Variants in CNPY1 observed in about 807,000 individuals in gnomAD.
CNPY1 encodes the protein protein canopy homolog 1.
A neutral mutation model predicts 14.4 loss-of-function variants in CNPY1; 14 were observed. The ratio of observed to expected loss-of-function variants is 0.97; its 90% CI spans 0.64 to 1.52. The LOEUF is 1.52. Ranked by LOEUF, CNPY1 falls within the 40% of genes most tolerant of loss-of-function variation. The probability of loss-of-function intolerance (pLI) is 0.00; values close to 1 mark genes in which losing one functional copy is unlikely to be tolerated. For synonymous variants in CNPY1, 43 were observed against 46.5 expected (o/e 0.92, Z 0.31); for missense variants, 129 against 131.5 (o/e 0.98, Z 0.09).
In CNPY1 at chr7:155,546,447, T is replaced by C. The variant is rs1038313260; in HGVS notation, c.-33A>G. Reference sequence around the variant, plus strand: ...CTCCTACCTTGGCCTCCTGAATTGCTGGGATTACAAGTATCAGCCACCATG... The same window carrying C: ...CTCCTACCTTGGCCTCCTGAATTGCCGGGATTACAAGTATCAGCCACCATG... On this transcript the variant is annotated 5_prime_UTR_variant, in exon 1 of 5. Coordinates refer to ENST00000636446, the MANE Select transcript of CNPY1 (RefSeq NM_001393663.1). 7 of 398,292 alleles carry C rather than the reference T, an allele frequency of 1.8e-5. No homozygotes were observed. 24.7% of individuals were successfully genotyped at this position (398,292 alleles called of 1,614,324 possible).
Position 155,502,157 on chromosome 7 carries a change from G to A in CNPY1, c.*911C>T, listed in dbSNP as rs922621172. 9.2e-5 allele frequency: 14 copies of A among 152,060 alleles called. No individual in the cohort carries two copies. Among genetic ancestry groups the A allele is most frequent in the Admixed American group, 2.6e-4 (4 of 15,272 alleles). The allele number at this position is 152,060 out of a possible 1,614,324, so 9.4% of individuals were successfully genotyped here. A position where few individuals can be genotyped will look rare whatever the true frequency, so the allele number is the denominator to read the frequency against. ...ATGTAACAGAGATAAAGAAATTTCCGGGAGTGATTGTTACTAGACTTTGTA... is the reference window on the plus strand; with the variant it reads ...ATGTAACAGAGATAAAGAAATTTCCAGGAGTGATTGTTACTAGACTTTGTA... On this transcript the variant is annotated 3_prime_UTR_variant, in exon 5 of 5. Transcript: ENST00000636446.
Position 155,503,077 on chromosome 7 carries a change from A to G in CNPY1, c.429T>C (p.Thr143=), listed in dbSNP as rs754581044. 10 of 1,608,594 alleles carry G rather than the reference A, an allele frequency of 6.2e-6. No homozygotes were observed. The African/African-American group carries it at 1.2e-4, about 20-fold the overall frequency. ...SDLCETSANH[T]EL ...CAGCAGAACGGCACTCCTAGAGCTC[A>G]GTATGATTAGCAGAAGTTTCACACA... is the stretch of plus-strand genomic sequence containing the variant. Residue 143 remains threonine (T), a synonymous_variant, in exon 5 of 5, where the codon ACT becomes ACC. Transcript: ENST00000636446.
intron 2 of CNPY1, among the ~76,000 whole-genome samples, chr7:155,539,065 C>A (rs777337339): frequency 1.2e-4 from 19 of 152,178 alleles, no homozygotes; most frequent in Non-Finnish European, 1.6e-4. Flanking sequence ...CCCCACCCTG[C>A]CCAGCTGCGG....
chr7:155,539,386 T>C (rs996614122), intron 2 of CNPY1, among the ~76,000 whole-genome samples: 20 of 152,184 alleles, frequency 1.3e-4, no homozygotes, highest in Non-Finnish European at 2.9e-4. Flanking sequence ...TTAATATATA[T>C]TTCTACATTC....
chr7:155,527,153 G>C (rs1796841199), intron 2 of CNPY1, among the ~76,000 whole-genome samples: 1 of 149,504 alleles, frequency 6.7e-6, no homozygotes, highest in South Asian at 2.1e-4. Flanking sequence ...ACGGGTTCAA[G>C]CGATGCTCCT....
intron 2 of CNPY1, among the ~76,000 whole-genome samples, chr7:155,529,047 C>T (rs1404755105): frequency 1.4e-5 from 2 of 139,142 alleles, no homozygotes; most frequent in African/African-American, 2.8e-5. Flanking sequence ...GGTGACAGAG[C>T]GAGACTCCAT....
Position 155,509,039 on chromosome 7 carries a change from C to G in CNPY1, c.158G>C (p.Arg53Pro). ...TTCCTCAAGCTTGTAGTCGTTCATT[C>G]GCTCACAGACTTTCTCCAAAAGATC... ...LTDLLEKVCE[R>P]MNDYKLEEDP... is the part of the protein sequence containing the mutation. The change falls in exon 3 of 5, where the codon CGA becomes CCA. Residue 53 changes from arginine (R) to proline (P), a missense_variant. Arg to Pro is a moderately radical substitution (Grantham distance 103). Coordinates refer to ENST00000636446, the MANE Select transcript of CNPY1 (RefSeq NM_001393663.1). 1 of 1,609,542 alleles carries G rather than the reference C, an allele frequency of 6.2e-7. No homozygotes were observed. Among genetic ancestry groups the G allele is most frequent in the East Asian group, 2.2e-5 (1 of 44,862 alleles).
chr7:155,506,771 A>C, intron 4 of CNPY1: 1 of 426,446 alleles, frequency 2.3e-6, no homozygotes. Context: ...GGAAATCAAG[A>C]ATGTTTGAAT....
chr7:155,524,895 A>G (rs2116724403), intron 2 of CNPY1, among the ~76,000 whole-genome samples: 1 of 143,046 alleles, frequency 7.0e-6, no homozygotes, highest in African/African-American at 2.6e-5. Context: ...AAGGTTAGGG[A>G]CCACTGTTCT....
intron 2 of CNPY1, among the ~76,000 whole-genome samples, chr7:155,520,706 T>C (rs910780317): frequency 1.3e-5 from 2 of 152,160 alleles, no homozygotes; most frequent in African/African-American, 4.8e-5. Context: ...TATTTAAAAA[T>C]TAATAATCTC....
chr7:155,520,992 T>C (rs1232312300), intron 2 of CNPY1, among the ~76,000 whole-genome samples: 1 of 149,048 alleles, frequency 6.7e-6, no homozygotes, highest in African/African-American at 2.5e-5. Context: ...CCTGGCGTGG[T>C]GGCACATATC....
intron 2 of CNPY1, chr7:155,510,325 G>A (rs1205072794): frequency 6.6e-6 from 1 of 152,210 alleles, no homozygotes; most frequent in Non-Finnish European, 1.5e-5. Flanking sequence ...TTGAGACCCA[G>A]GTTCCATTAC....
intron 2 of CNPY1, among the ~76,000 whole-genome samples, chr7:155,513,530 T>C (rs2116699082): frequency 6.6e-6 from 1 of 152,312 alleles, no homozygotes; most frequent in South Asian, 2.1e-4. Flanking sequence ...GTCATTCTTA[T>C]TTAAAACAAA....
intron 2 of CNPY1, among the ~76,000 whole-genome samples, chr7:155,539,206 TTAA>T (rs1476005935): frequency 6.6e-6 from 1 of 152,228 alleles, no homozygotes. Context: ...TGTTTGGGTA[TTAA>T]TAATCTTCCT....
At chr7:155,540,057 A>T (rs563455996) in intron 2 of CNPY1, among the ~76,000 whole-genome samples, 2 of 152,270 alleles carry the variant, frequency 1.3e-5, no homozygotes, top group South Asian at 4.1e-4. Flanking sequence ...GGTGACCTTT[A>T]GGCTTTTCTC....
At chr7:155,508,398 T>G (rs1312614935) in intron 3 of CNPY1, among the ~76,000 whole-genome samples, 2 of 152,054 alleles carry the variant, frequency 1.3e-5, no homozygotes, top group Non-Finnish European at 2.9e-5. Flanking sequence ...AAAAAAGAGG[T>G]GGTTGCATCA....
chr7:155,504,302 T>C (rs770048900), intron 4 of CNPY1, among the ~76,000 whole-genome samples: 21 of 152,326 alleles, frequency 1.4e-4, no homozygotes, highest in South Asian at 6.2e-4. Context: ...TGATGTGTTA[T>C]ATTTTCATCC....
At chr7:155,519,566 A>ATAAATAAATAAAT (rs61571384) in intron 2 of CNPY1, among the ~76,000 whole-genome samples, 4 of 132,730 alleles carry the variant, frequency 3.0e-5, no homozygotes, top group African/African-American at 7.1e-5. Flanking sequence ...AATAAATAAG[A>ATAAATAAATAAAT]AAGAAAGAAG....
chr7:155,509,770 A>G (rs913444752), intron 2 of CNPY1, among the ~76,000 whole-genome samples: 1 of 152,082 alleles, frequency 6.6e-6, no homozygotes, highest in Non-Finnish European at 1.5e-5. Context: ...TTTCTTTGGG[A>G]ACAGCTGGTG....
Sources: allele counts gnomAD v4.1 joint callset (sites outside exome capture counted in the v4.1 genomes callset), GRCh38; gene constraint gnomAD v4.1.1; transcripts MANE v1.5; gene names NCBI Gene and HGNC (gene_info 2026-07-23, HGNC 2026-07-21).